FER1L5: variants seen among roughly 807,000 people sequenced by gnomAD.
FER1L5 encodes the protein fer-1-like protein 5.
A neutral mutation model predicts 279.9 loss-of-function variants in FER1L5; 187 were observed. The observed-to-expected ratio is 0.67, with a 90% CI of 0.59 to 0.75. FER1L5 has a LOEUF of 0.75. Ranked by LOEUF, FER1L5 falls within the 30% of genes least tolerant of loss-of-function variation. The probability of loss-of-function intolerance (pLI) is 0.00; values close to 1 mark genes in which losing one functional copy is unlikely to be tolerated. For synonymous variants in FER1L5, 921 were observed against 989.7 expected (o/e 0.93, Z 1.30); for missense variants, 2,091 against 2,594.4 (o/e 0.81, Z 4.21).
chr2:96,676,542 TC>T (rs1322893162), intron 19 of FER1L5, among the ~76,000 whole-genome samples: 15 of 152,072 alleles, frequency 9.9e-5, no homozygotes, highest in Non-Finnish European at 2.9e-5. Flanking sequence ...ATGGGTTACT[TC>T]CCATTTTCCT....
At chr2:96,659,290 T>TGCCTGCCTGCCTGCCTTCCTTCC (rs2075732527) in intron 9 of FER1L5, among the ~76,000 whole-genome samples, 1 of 80,942 alleles carries the variant, frequency 1.2e-5, no homozygotes, top group African/African-American at 4.9e-5. Context: ...TTTATCAAGC[T>TGCCTGCCTGCCTGCCTTCCTTCC]TTCCTTCCTT....
intron 23 of FER1L5, 67 bp from the exon 24 acceptor site, chr2:96,687,749 G>T (rs2076984047): frequency 2.6e-6 from 4 of 1,535,932 alleles, no homozygotes; most frequent in South Asian, 2.4e-5. Flanking sequence ...CAGCCCACTT[G>T]GGGGGTGGCC....
At chr2:96,647,663 C>G in intron 3 of FER1L5, 115 bp from the exon 4 acceptor site, 1 of 731,010 alleles carries the variant, frequency 1.4e-6, no homozygotes, top group Middle Eastern at 2.6e-4. Context: ...CAGCCTCTCT[C>G]TGAGGACAGC....
intron 9 of FER1L5, among the ~76,000 whole-genome samples, chr2:96,659,290 T>TTCCTGCC (rs1553449027): frequency 1.2e-5 from 1 of 80,942 alleles, no homozygotes; most frequent in African/African-American, 4.9e-5. Context: ...TTTATCAAGC[T>TTCCTGCC]TTCCTTCCTT....
rs72941230 is a variant in FER1L5 at position 96,665,125 on chromosome 2, A to G, written c.1140+1618A>G. On this transcript the variant is annotated intron_variant, in intron 14 of 52. Transcript: ENST00000624922. The stretch of plus-strand genomic sequence containing the variant: ...CCTTTTGACTCTAAGTCAGGCTTCT[A>G]AGAGCAGTGTGTAAAATAAGAACAC... Among the ~76,000 whole-genome samples, 361 of 152,326 alleles carry G rather than the reference A, an allele frequency of 2.4e-3. 1 individual carries two copies. The highest frequency in any genetic ancestry group is 8.3e-3 in the African/African-American group (345 of 41,570).
chr2:96,680,579 T>G (rs577413611), intron 19 of FER1L5, among the ~76,000 whole-genome samples: 1 of 152,246 alleles, frequency 6.6e-6, no homozygotes, highest in Admixed American at 6.5e-5. Flanking sequence ...GGCATCTCCC[T>G]TTTTCCCTTC....
chr2:96,661,495 C>A (rs2075952622), intron 11 of FER1L5, 55 bp downstream of exon 11: 8 of 1,522,370 alleles, frequency 5.3e-6, no homozygotes, highest in Non-Finnish European at 7.1e-6. Context: ...CCTGGGGGCA[C>A]CCCTGGGCCT....
intron 9 of FER1L5, among the ~76,000 whole-genome samples, chr2:96,659,404 T>TCCTTTCTTTCCTTTCTTTC: frequency 1.8e-4 from 1 of 5,678 alleles, no homozygotes; most frequent in Middle Eastern, 0.056. Context: ...TTTCTTTCTT[T>TCCTTTCTTTCCTTTCTTTC]CTTTCTTTCT....
chr2:96,647,239 C>A, intron 3 of FER1L5, 84 bp downstream of exon 3: 1 of 1,393,992 alleles, frequency 7.2e-7, no homozygotes, highest in Non-Finnish European at 9.9e-7. Flanking sequence ...ATCCATAACT[C>A]ACTCAGATGA....
chr2:96,697,424 A>C lies in FER1L5; in HGVS notation c.4084-102A>C. 3 of 1,321,128 alleles carry C rather than the reference A, an allele frequency of 2.3e-6. No individual in the cohort carries two copies. The East Asian group carries it at 7.4e-5, about 33-fold the overall frequency. 81.8% of individuals were successfully genotyped at this position (1,321,128 alleles called of 1,614,324 possible). A position where few individuals can be genotyped will look rare whatever the true frequency, so the allele number is the denominator to read the frequency against. Reference sequence around the variant, plus strand: ...AAAGGTCTATGTGAAAGGCAAGGGCAAGGGCACCAGGGAAGCTCTGGCCTC... The same window carrying C: ...AAAGGTCTATGTGAAAGGCAAGGGCCAGGGCACCAGGGAAGCTCTGGCCTC... On this transcript the variant is annotated intron_variant, in intron 37 of 52. Coordinates refer to ENST00000624922, the MANE Select transcript of FER1L5 (RefSeq NM_001293083.2).
chr2:96,689,072 T>C lies in FER1L5; in HGVS notation c.2362-141T>C, dbSNP rs2077042502. ...GGCCTCAGTGCCCTCACCTGTGCAA[T>C]GGGGACATGGCCCTTTCTTGCCTGG... On this transcript the variant is annotated intron_variant, in intron 24 of 52. Coordinates refer to ENST00000624922, the MANE Select transcript of FER1L5 (RefSeq NM_001293083.2). This position sits in a 1 kb window ranked among gnomAD's most constrained non-coding sequence, Gnocchi z 4.6. The C allele has an allele frequency of 2.0e-6, 2 of 1,007,556 alleles. No individual in the cohort carries two copies. The highest frequency in any genetic ancestry group is 1.4e-6 in the Non-Finnish European group (1 of 699,928). The allele number at this position is 1,007,556 out of a possible 1,614,324, so 62.4% of individuals were successfully genotyped here.
intron 11 of FER1L5, 107 bp from the exon 12 acceptor site, chr2:96,661,561 T>G: frequency 6.6e-7 from 1 of 1,504,876 alleles, no homozygotes; most frequent in Non-Finnish European, 9.0e-7. Flanking sequence ...ACTGCAGGGT[T>G]GTCCCATCCC....
intron 18 of FER1L5, among the ~76,000 whole-genome samples, chr2:96,672,496 C>T (rs928136281): frequency 1.3e-5 from 2 of 151,738 alleles, no homozygotes; most frequent in Admixed American, 6.6e-5. Flanking sequence ...AGTGAACAGA[C>T]CGGGGGAATG....
chr2:96,653,451 G>C, intron 7 of FER1L5, 189 bp from the exon 8 acceptor site: 2 of 593,852 alleles, frequency 3.4e-6, no homozygotes, highest in Non-Finnish European at 5.9e-6. Flanking sequence ...CACTCAGAAA[G>C]TTTCAGATTT....
rs555171579 is a variant in FER1L5, at chr2:96,693,563, G to A, written c.3350G>A (p.Ser1117Asn). ...AGCCAGTGCACCCAAACCCTGAGGA[G>A]CTCTGCAGGCCCCACATGGGCCCAG... ...NHSQCTQTLR[S>N]SAGPTWAQTL... Residue 1117 changes from serine to asparagine, a missense_variant, in exon 32 of 53, where the codon AGC becomes AAC. Ser to Asn is a conservative substitution (Grantham distance 46). Coordinates refer to ENST00000624922, the MANE Select transcript of FER1L5 (RefSeq NM_001293083.2). The A allele has an allele frequency of 1.1e-5, 17 of 1,551,546 alleles. No homozygotes were observed. In the African/African-American group the frequency reaches 2.2e-4, roughly 20 times the overall value.
rs1558854002 is a variant in FER1L5 at position 96,659,401 on chromosome 2, CT to C, written c.748-937del. Among the ~76,000 whole-genome samples, 42 of 6,086 alleles carry C rather than the reference CT, an allele frequency of 6.9e-3. 2 individuals carry two copies. Among genetic ancestry groups the C allele is most frequent in the Admixed American group, 0.012 (5 of 404 alleles). 4.0% of individuals were successfully genotyped at this position (6,086 alleles called of 152,430 possible). The stretch of plus-strand genomic sequence containing the variant: ...TCTTTCTTTCTTTCTTTCTTTCTTT[CT>C]TTCTTTCTTTCTTTCTTTCTTTCTT... On this transcript the variant is annotated intron_variant, in intron 9 of 52. Transcript: ENST00000624922.
At chr2:96,674,328 T>C (rs1041821225) in intron 19 of FER1L5, among the ~76,000 whole-genome samples, 2 of 152,160 alleles carry the variant, frequency 1.3e-5, no homozygotes, top group South Asian at 4.1e-4. Flanking sequence ...GTTCAAGCGA[T>C]TCTCCTGCCC....
In FER1L5 at chr2:96,689,734, T is replaced by G. The variant is rs764998865; in HGVS notation, c.2616T>G (p.Pro872=). 6.5e-7 allele frequency: 1 copy of G among 1,550,274 alleles called. No homozygotes were observed. Among genetic ancestry groups the G allele is most frequent in the South Asian group, 1.2e-5 (1 of 84,004 alleles). ...GTGACACCAGAGGGGCCTGGGGGCC[T>G]GCCGCCATCCCAAACACAGACGTGG... ...QGRDTRGAWG[P]AAIPNTDVNG... The change falls in exon 26 of 53, where the codon CCT becomes CCG. Residue 872 remains proline, a synonymous_variant. Transcript: ENST00000624922. This position sits in a 1 kb window ranked among gnomAD's most constrained non-coding sequence, Gnocchi z 4.6.
chr2:96,691,936 T>C lies in FER1L5; in HGVS notation c.3187T>C (p.Leu1063=), dbSNP rs1410813813. The part of the protein sequence containing the change: ...PQRQDTRPPN[L]PFIYCTFNKP... ...GAGGCAGGACACCCGGCCCCCCAAC[T>C]TGCCCTTCATCTACTGCACCTTCAA... is the stretch of plus-strand genomic sequence containing the variant. Residue 1063 remains leucine (L), a synonymous_variant, in exon 30 of 53, where the codon TTG becomes CTG. Coordinates refer to ENST00000624922, the MANE Select transcript of FER1L5 (RefSeq NM_001293083.2). The surrounding 1 kb of genome is among the most constrained non-coding windows in gnomAD (Gnocchi z 6.0). 3.9e-6 allele frequency: 6 copies of C among 1,545,566 alleles called. No homozygotes were observed. The Admixed American group carries it at 1.2e-4, about 31-fold the overall frequency.
Sources: gnomAD v4.1 joint callset for allele counts (sites outside exome capture counted in the v4.1 genomes callset) on GRCh38, gnomAD v4.1.1 for gene constraint, Gnocchi (gnomAD v3.1) non-coding constraint, MANE v1.5 for transcripts, NCBI Gene and HGNC (gene_info 2026-07-23, HGNC 2026-07-21) for gene names.